ARIH2: variants seen among roughly 807,000 people sequenced by gnomAD.
ARIH2 encodes the protein ariadne RBR E3 ubiquitin protein ligase 2, also known as E3 ubiquitin-protein ligase ARIH2.
A neutral mutation model predicts 79.8 loss-of-function variants in ARIH2; 12 were observed. That is an observed-to-expected ratio of 0.15 (90% confidence interval 0.10 to 0.24). The LOEUF (loss-of-function observed/expected upper bound fraction) is 0.24, where lower values mean the gene tolerates loss of function less well. Ranked by LOEUF, ARIH2 falls within the 10% of genes least tolerant of loss-of-function variation. The pLI is 1.00. For missense variants in ARIH2, 301 were observed against 618.3 expected, an observed-to-expected ratio of 0.49 and a Z score of 5.44; for synonymous variants, 224 against 213.9, an observed-to-expected ratio of 1.05 and a Z score of -0.41.
At chr3:48,960,975 C>T (rs1032058706) in intron 3 of ARIH2, among the ~76,000 whole-genome samples, 2 of 152,114 alleles carry the variant, frequency 1.3e-5, no homozygotes, top group Non-Finnish European at 2.9e-5. Flanking sequence ...ATTGCGAGCT[C>T]AATGCACCTT....
At chr3:48,960,093 A>G (rs576341141) in intron 3 of ARIH2, among the ~76,000 whole-genome samples, 3 of 152,140 alleles carry the variant, frequency 2.0e-5, no homozygotes, top group South Asian at 2.1e-4. Flanking sequence ...ATATGTTCCT[A>G]CTTTCTCCTT....
intron 3 of ARIH2, among the ~76,000 whole-genome samples, chr3:48,941,453 A>G (rs1448048277): frequency 6.6e-6 from 1 of 152,216 alleles, no homozygotes; most frequent in African/African-American, 2.4e-5. Context: ...GAAGAACCTT[A>G]GACAAATGAC....
chr3:48,977,136 A>G (rs1400981485), intron 11 of ARIH2, among the ~76,000 whole-genome samples: 3 of 151,530 alleles, frequency 2.0e-5, no homozygotes, highest in Non-Finnish European at 2.9e-5. Flanking sequence ...AGGGAGGTGT[A>G]GGTTGCAGTG....
chr3:48,940,589 C>G (rs141706246), intron 3 of ARIH2, among the ~76,000 whole-genome samples: 1 of 151,948 alleles, frequency 6.6e-6, no homozygotes, highest in African/African-American at 2.4e-5. Context: ...ATTAGTTCCA[C>G]CAGCCTGGCC....
Position 48,980,424 on chromosome 3 carries a change from G to A in ARIH2, c.1185G>A (p.Glu395=), listed in dbSNP as rs749843645. The A allele has an allele frequency of 6.2e-7, 1 of 1,614,178 alleles. No homozygotes were observed. The highest frequency in any genetic ancestry group is 8.5e-7 in the Non-Finnish European group (1 of 1,180,024). ...TYQRIHEKIQ[E]RVMNNLGTWI... Reference sequence around the variant, plus strand: ...AGCGGATTCACGAGAAGATTCAGGAGAGGGTCATGAACAATCTGGGGACAT... The same window carrying A: ...AGCGGATTCACGAGAAGATTCAGGAAAGGGTCATGAACAATCTGGGGACAT... Residue 395 remains glutamate (E), a synonymous_variant, in exon 13 of 16, where the codon GAG becomes GAA. Coordinates refer to ENST00000356401, the MANE Select transcript of ARIH2 (RefSeq NM_006321.4).
At chr3:48,926,011 C>G (rs1324259000) in intron 2 of ARIH2, among the ~76,000 whole-genome samples, 1 of 152,168 alleles carries the variant, frequency 6.6e-6, no homozygotes, top group Non-Finnish European at 1.5e-5. Flanking sequence ...AGCCACCGCA[C>G]CTGGCCTAGT....
chr3:48,941,993 C>A (rs1183810595), intron 3 of ARIH2, among the ~76,000 whole-genome samples: 1 of 151,424 alleles, frequency 6.6e-6, no homozygotes, highest in Non-Finnish European at 1.5e-5. Flanking sequence ...TCAGGTGACT[C>A]TTCTGCCTCA....
chr3:48,958,281 A>G (rs2090840334), intron 3 of ARIH2, among the ~76,000 whole-genome samples: 1 of 152,136 alleles, frequency 6.6e-6, no homozygotes, highest in Non-Finnish European at 1.5e-5. Context: ...TGATCATGCC[A>G]CTGCATTCCA....
chr3:48,965,720 G>C (rs1198135415), intron 5 of ARIH2, among the ~76,000 whole-genome samples: 5 of 152,216 alleles, frequency 3.3e-5, no homozygotes, highest in Admixed American at 6.5e-5. Context: ...CAGCACTTTG[G>C]GGGGCCGAGG....
intron 2 of ARIH2, among the ~76,000 whole-genome samples, chr3:48,923,526 T>G (rs912134997): frequency 2.0e-5 from 3 of 151,384 alleles, no homozygotes; most frequent in Admixed American, 6.6e-5. Context: ...AGTGAGTGTT[T>G]TTTTTTTTTT....
intron 5 of ARIH2, among the ~76,000 whole-genome samples, chr3:48,965,885 C>T (rs1306150730): frequency 2.6e-5 from 4 of 151,882 alleles, no homozygotes; most frequent in African/African-American, 4.8e-5. Flanking sequence ...TGGTTGAACC[C>T]GGGAGGTGGA....
At position 48,981,742 on chromosome 3, in the gene ARIH2, A is replaced by G. The variant is rs773862994; in HGVS notation, c.1326+14A>G. On this transcript the variant is annotated intron_variant, in intron 14 of 15. Transcript: ENST00000356401. ...AGGAAGAAGCTGGTAAGGCAAAGCA[A>G]TTTTTCTACTCTGTCCCGTTAGCCT... 4 of 1,607,068 alleles carry G rather than the reference A, an allele frequency of 2.5e-6. No individual in the cohort carries two copies. Among genetic ancestry groups the G allele is most frequent in the East Asian group, 2.2e-5 (1 of 44,788 alleles).
chr3:48,971,149 A>G (rs1576490489), intron 8 of ARIH2, among the ~76,000 whole-genome samples: 1 of 152,394 alleles, frequency 6.6e-6, no homozygotes, highest in East Asian at 1.9e-4. Flanking sequence ...TACCATGGGA[A>G]TAACTAAAGT....
At chr3:48,919,404 G>T in intron 1 of ARIH2, 1 of 383,692 alleles carries the variant, frequency 2.6e-6, no homozygotes. Flanking sequence ...CAGCTCGCGG[G>T]CTCCGCGTCC....
rs146714746 is a variant in ARIH2 at position 48,927,571 on chromosome 3, A to G, written c.13A>G (p.Met5Val). ...GCTGGATGCTAAGATGTCAGTGGAC[A>G]TGAATAGCCAGGGGTCTGACAGCAA... Reference protein sequence around the residue: MSVDMNSQGSDSNEE... With the variant: MSVDVNSQGSDSNEE... The change falls in exon 3 of 16, where the codon ATG becomes GTG. Residue 5 changes from methionine (M) to valine (V), a missense_variant. Met to Val is a conservative substitution (Grantham distance 21). Transcript: ENST00000356401. 27 of 1,613,840 alleles carry G rather than the reference A, an allele frequency of 1.7e-5. No individual in the cohort carries two copies. Among genetic ancestry groups the G allele is most frequent in the Non-Finnish European group, 2.2e-5 (26 of 1,179,994 alleles).
intron 3 of ARIH2, among the ~76,000 whole-genome samples, chr3:48,933,751 C>T (rs947676395): frequency 5.3e-5 from 8 of 151,310 alleles, no homozygotes; most frequent in Non-Finnish European, 1.2e-4. Context: ...CGGGCTTTCA[C>T]CTTGTTTGCC....
At chr3:48,934,336 A>T in intron 3 of ARIH2, 1 of 874,892 alleles carries the variant, frequency 1.1e-6, no homozygotes, top group Non-Finnish European at 1.4e-6. Context: ...TTTAATTATT[A>T]AATCAATTTT....
chr3:48,970,462 T>G (rs2092155695), intron 7 of ARIH2, 133 bp from the exon 8 acceptor site: 2 of 642,494 alleles, frequency 3.1e-6, no homozygotes, highest in South Asian at 3.6e-5. Context: ...TTCACATCCT[T>G]TCTGAATTTA....
intron 8 of ARIH2, among the ~76,000 whole-genome samples, chr3:48,970,993 C>T (rs1490377981): frequency 6.6e-6 from 1 of 152,240 alleles, no homozygotes; most frequent in Non-Finnish European, 1.5e-5. Context: ...TATCTGCCTG[C>T]ATAGCTAATC....
Sources: gnomAD v4.1 joint callset for allele counts (sites outside exome capture counted in the v4.1 genomes callset) on GRCh38, gnomAD v4.1.1 for gene constraint, MANE v1.5 for transcripts, NCBI Gene and HGNC (gene_info 2026-07-23, HGNC 2026-07-21) for gene names.